NALCN: variants seen among roughly 807,000 people sequenced by gnomAD.
The protein encoded by NALCN is sodium leak channel, non-selective.
Under a neutral mutation model 225.3 loss-of-function variants are expected in NALCN, and 111 were observed. The observed-to-expected ratio is 0.49, with a 90% CI of 0.42 to 0.58. NALCN has a LOEUF of 0.58. Among genes scored for constraint, NALCN ranks in the 20% least tolerant of loss-of-function variants. The pLI is 0.00. For missense variants in NALCN, 1,378 were observed against 2,202.4 expected (o/e 0.63, Z 7.49); for synonymous variants, 764 against 769.0 (o/e 0.99, Z 0.11).
chr13:101,195,260 A>G (rs1384717710), intron 13 of NALCN, among the ~76,000 whole-genome samples: 2 of 152,156 alleles, frequency 1.3e-5, no homozygotes, highest in African/African-American at 4.8e-5. Context: ...CCTGTTGACC[A>G]TTTTATTTTC....
chr13:101,357,652 A>G (rs1174211989), intron 6 of NALCN, among the ~76,000 whole-genome samples: 1 of 152,162 alleles, frequency 6.6e-6, no homozygotes, highest in East Asian at 1.9e-4. Flanking sequence ...TCAAACTACC[A>G]TTGACATTCT....
intron 37 of NALCN, among the ~76,000 whole-genome samples, chr13:101,070,063 G>GTTCTTTTT (rs536866923): frequency 0.024 from 2,325 of 98,246 alleles, 212 homozygotes; most frequent in East Asian, 0.052. Context: ...AATCATGAAT[G>GTTCTTTTT]TTTTTTTTTT....
At position 101,400,556 on chromosome 13, in the gene NALCN, TGTGTGTGTGTGTGTGTGTGTGTGTGCAC is replaced by T. The variant is rs1288380753; in HGVS notation, c.-39-1419_-39-1392del. ...AGAACATGTTTGCAGTGTGTGTGTG[TGTGTGTGTGTGTGTGTGTGTGTGTGCAC>T]GTGTGTGCGCGCGCACACAGATGCA... is the stretch of plus-strand genomic sequence containing the variant. On this transcript the variant is annotated intron_variant, in intron 1 of 43. Transcript: ENST00000251127. Among the ~76,000 whole-genome samples, 20 of 128,216 alleles carry T rather than the reference TGTGTGTGTGTGTGTGTGTGTGTGTGCAC, an allele frequency of 1.6e-4. No homozygotes were observed. In the South Asian group the frequency reaches 3.6e-3, roughly 23 times the overall value. 84.1% of individuals were successfully genotyped at this position (128,216 alleles called of 152,430 possible).
chr13:101,125,971 ACT>A (rs2036208624), intron 17 of NALCN, among the ~76,000 whole-genome samples: 2 of 152,086 alleles, frequency 1.3e-5, no homozygotes, highest in African/African-American at 4.8e-5. Flanking sequence ...AAGACAGAAA[ACT>A]CTGTATTCAG....
At chr13:101,395,714 G>T (rs2139490824) in intron 2 of NALCN, among the ~76,000 whole-genome samples, 1 of 152,070 alleles carries the variant, frequency 6.6e-6, no homozygotes, top group East Asian at 1.9e-4. Flanking sequence ...AATATAGGAA[G>T]ATTCTGGTTC....
At chr13:101,123,010 G>A (rs2036054625) in intron 18 of NALCN, among the ~76,000 whole-genome samples, 1 of 152,174 alleles carries the variant, frequency 6.6e-6, no homozygotes, top group South Asian at 2.1e-4. Flanking sequence ...GTTTCCGGAT[G>A]AGTGAGAGTT....
chr13:101,372,175 CTAAT>C (rs1216395622), intron 6 of NALCN, among the ~76,000 whole-genome samples: 4 of 151,898 alleles, frequency 2.6e-5, no homozygotes, highest in Non-Finnish European at 5.9e-5. Context: ...CGTTATGCGC[CTAAT>C]TAAAGTTGAA....
rs143938957 is a variant in NALCN at position 101,399,583 on chromosome 13, G to T, written c.-39-418C>A. Among the ~76,000 whole-genome samples the T allele has an allele frequency of 4.6e-3, 694 of 152,302 alleles. 2 individuals carry two copies. The highest frequency in any genetic ancestry group is 7.4e-3 in the Non-Finnish European group (500 of 68,018). On this transcript the variant is annotated intron_variant, in intron 1 of 43. Coordinates refer to ENST00000251127, the MANE Select transcript of NALCN (RefSeq NM_052867.4). ...ACAGATCTTCCCCATGGTTTCCCCAGTGTTAATTTAATACGACATTCACAG... is the reference window on the plus strand; with the variant it reads ...ACAGATCTTCCCCATGGTTTCCCCATTGTTAATTTAATACGACATTCACAG...
intron 15 of NALCN, among the ~76,000 whole-genome samples, chr13:101,163,352 T>A (rs2038281640): frequency 6.6e-6 from 1 of 152,192 alleles, no homozygotes; most frequent in African/African-American, 2.4e-5. Flanking sequence ...GTGTGTAGTT[T>A]CATGTTTGTT....
intron 30 of NALCN, among the ~76,000 whole-genome samples, chr13:101,087,429 G>C (rs2033986570): frequency 6.7e-6 from 1 of 150,272 alleles, no homozygotes; most frequent in Non-Finnish European, 1.5e-5. Context: ...TCTGTTGAAT[G>C]ATTGAATAAT....
intron 11 of NALCN, among the ~76,000 whole-genome samples, chr13:101,253,747 T>G (rs2042130941): frequency 6.6e-6 from 1 of 152,184 alleles, no homozygotes; most frequent in Non-Finnish European, 1.5e-5. Context: ...AAATAAAGTT[T>G]TATTGGAAAA....
chr13:101,103,450 G>A (rs1566815645), intron 25 of NALCN, 111 bp from the exon 26 acceptor site: 4 of 1,273,734 alleles, frequency 3.1e-6, no homozygotes, highest in Admixed American at 2.5e-5. Context: ...TCCACTCACT[G>A]GTTGTACGTG....
intron 15 of NALCN, among the ~76,000 whole-genome samples, chr13:101,174,224 G>T (rs569123900): frequency 6.6e-6 from 1 of 152,256 alleles, no homozygotes; most frequent in East Asian, 1.9e-4. Context: ...AGTGTAAAAA[G>T]TACTAACAAA....
intron 14 of NALCN, among the ~76,000 whole-genome samples, chr13:101,183,347 T>C (rs1387713003): frequency 1.3e-5 from 2 of 152,238 alleles, no homozygotes; most frequent in Non-Finnish European, 2.9e-5. Context: ...AGGAGTGTCA[T>C]CATATGTATA....
chr13:101,310,795 A>G (rs2044315245), intron 7 of NALCN, among the ~76,000 whole-genome samples: 1 of 152,146 alleles, frequency 6.6e-6, no homozygotes, highest in African/African-American at 2.4e-5. Flanking sequence ...TAATCAATTG[A>G]CCAGGAAGGA....
intron 10 of NALCN, among the ~76,000 whole-genome samples, chr13:101,263,863 G>A (rs1041763679): frequency 2.0e-5 from 3 of 152,184 alleles, no homozygotes; most frequent in Non-Finnish European, 4.4e-5. Flanking sequence ...TAAAGTTAGA[G>A]CTAGTGGCAT....
At chr13:101,318,562 A>G (rs558329675) in intron 7 of NALCN, among the ~76,000 whole-genome samples, 4 of 152,202 alleles carry the variant, frequency 2.6e-5, no homozygotes, top group Admixed American at 2.0e-4. Context: ...CCTATTTGAC[A>G]TCAATTTCTG....
chr13:101,059,713 T>G (rs2031683999), intron 42 of NALCN, 105 bp downstream of exon 42: 2 of 973,534 alleles, frequency 2.1e-6, no homozygotes, highest in East Asian at 2.6e-5. Context: ...TTAGAAATAT[T>G]GTCACCTTGT....
chr13:101,069,682 A>C (rs2032706040), intron 37 of NALCN, among the ~76,000 whole-genome samples: 1 of 152,208 alleles, frequency 6.6e-6, no homozygotes, highest in African/African-American at 2.4e-5. Context: ...CTTCTTTCGA[A>C]TTTGGAGTCA....
Sources: gnomAD v4.1 joint callset for allele counts (sites outside exome capture counted in the v4.1 genomes callset) on GRCh38, gnomAD v4.1.1 for gene constraint, MANE v1.5 for transcripts, NCBI Gene and HGNC (gene_info 2026-07-23, HGNC 2026-07-21) for gene names.